Variants in NFIB observed in about 807,000 individuals in gnomAD.
NFIB encodes the protein nuclear factor I B.
In NFIB, 11 loss-of-function variants were observed where a neutral mutation model predicts 61.5. The observed-to-expected ratio is 0.18, with a 90% CI of 0.11 to 0.30. The LOEUF is 0.30. Ranked by LOEUF, NFIB falls within the 10% of genes least tolerant of loss-of-function variation. The pLI is 1.00. For missense variants in NFIB, 471 were observed against 608.9 expected (o/e 0.77, Z 2.38); for synonymous variants, 260 against 216.5 (o/e 1.20, Z -1.76).
the NFIB span, among the ~76,000 whole-genome samples, chr9:14,531,412 T>C: frequency 6.6e-6 from 1 of 152,118 alleles, no homozygotes; most frequent in Non-Finnish European, 1.5e-5. Context: ...CAGTGGTTGC[T>C]CCAGTTACAG....
At chr9:14,093,179 A>G (rs577742303) in intron 10 of NFIB, among the ~76,000 whole-genome samples, 1 of 152,048 alleles carries the variant, frequency 6.6e-6, no homozygotes. Flanking sequence ...TGATGAAACA[A>G]TAAGAGCTAT....
chr9:14,103,283 G>C lies in NFIB; in HGVS notation c.1467+9716C>G, dbSNP rs114456497. ...TAACAGCTGCCCTACAGTGCTAGCAGATTTATTGAAAAGATATATTGCTTA... is the reference window on the plus strand; with the variant it reads ...TAACAGCTGCCCTACAGTGCTAGCACATTTATTGAAAAGATATATTGCTTA... On this transcript the variant is annotated intron_variant, in intron 10 of 10. Coordinates refer to ENST00000380953, the MANE Select transcript of NFIB (RefSeq NM_001190737.2). 9.9e-3 allele frequency among the ~76,000 whole-genome samples: 1,474 copies of C among 149,202 alleles called. 25 individuals are homozygous for C. The highest frequency in any genetic ancestry group is 0.035 in the African/African-American group (1,414 of 40,648).
intron 1 of NFIB, among the ~76,000 whole-genome samples, chr9:14,369,902 G>C (rs1033237083): frequency 2.2e-4 from 33 of 152,108 alleles, no homozygotes; most frequent in Admixed American, 1.1e-3. Context: ...ACCTAGAGCA[G>C]ATCAGACATT....
chr9:14,101,788 G>C (rs986591293), intron 10 of NFIB, among the ~76,000 whole-genome samples: 2 of 152,160 alleles, frequency 1.3e-5, no homozygotes, highest in Non-Finnish European at 2.9e-5. Flanking sequence ...TTTTAGAATA[G>C]TTTTCTCAGC....
the NFIB span, among the ~76,000 whole-genome samples, chr9:14,455,079 C>T: frequency 1.3e-5 from 2 of 152,162 alleles, no homozygotes; most frequent in Admixed American, 6.5e-5. Context: ...TTGACTGATA[C>T]AAATACCTGA....
chr9:14,220,920 C>A (rs142410539), intron 2 of NFIB, among the ~76,000 whole-genome samples: 519 of 151,342 alleles, frequency 3.4e-3, no homozygotes, highest in Non-Finnish European at 5.5e-3. Context: ...CTCTCACCCC[C>A]TCCCAAGGAG....
chr9:14,298,673 G>T (rs2382462), intron 2 of NFIB, among the ~76,000 whole-genome samples: 130,291 of 151,664 alleles, frequency 0.86, 57,607 homozygotes, highest in Non-Finnish European at 0.98. Context: ...GTGTGTAAAG[G>T]GCGGGCTTGG....
At chr9:14,167,205 C>T (rs932885463) in intron 3 of NFIB, among the ~76,000 whole-genome samples, 3 of 151,726 alleles carry the variant, frequency 2.0e-5, no homozygotes, top group African/African-American at 7.3e-5. Flanking sequence ...TTAGAGGAAA[C>T]GTCATCATCC....
chr9:14,135,751 T>C (rs1936685333), intron 6 of NFIB, among the ~76,000 whole-genome samples: 1 of 152,126 alleles, frequency 6.6e-6, no homozygotes, highest in African/African-American at 2.4e-5. Flanking sequence ...GGAGATAAGA[T>C]GTCATCTTCA....
At position 14,088,118 on chromosome 9, in the gene NFIB, T is replaced by G; in HGVS notation, c.*191A>C. On this transcript the variant is annotated 3_prime_UTR_variant, in exon 11 of 11. Transcript: ENST00000380953. ...TTCTTTCCTTTCTGCCTTTGTGTTG[T>G]TTTGTCCAGTCTTCCTCTTTTCCTT... is the stretch of plus-strand genomic sequence containing the variant. The G allele has an allele frequency of 7.8e-7, 1 of 1,275,882 alleles. No individual in the cohort carries two copies. The allele number at this position is 1,275,882 out of a possible 1,614,324, so 79.0% of individuals were successfully genotyped here. A position where few individuals can be genotyped will look rare whatever the true frequency, so the allele number is the denominator to read the frequency against.
chr9:14,357,160 G>T (rs2061185779), intron 1 of NFIB: 1 of 152,166 alleles, frequency 6.6e-6, no homozygotes, highest in Non-Finnish European at 1.5e-5. Context: ...AGGTCTGCAG[G>T]ACACACCAAA....
intron 2 of NFIB, among the ~76,000 whole-genome samples, chr9:14,190,204 AT>A (rs2047795081): frequency 6.6e-6 from 1 of 152,200 alleles, no homozygotes; most frequent in Non-Finnish European, 1.5e-5. Context: ...CATGTGATTA[AT>A]AACCAGTCCT....
chr9:14,314,070 A>C lies in NFIB; in HGVS notation c.-559T>G. ...CCCAAGCACTGCGGCAGGATCCCGGAGTGGTGATCGCAGGCGAAACTTTGC... is the reference window on the plus strand; with the variant it reads ...CCCAAGCACTGCGGCAGGATCCCGGCGTGGTGATCGCAGGCGAAACTTTGC... On this transcript the variant is annotated 5_prime_UTR_variant, in exon 1 of 11. Coordinates refer to ENST00000380953, the MANE Select transcript of NFIB (RefSeq NM_001190737.2). The C allele has an allele frequency of 9.5e-7, 1 of 1,053,010 alleles. No homozygotes were observed. The highest frequency in any genetic ancestry group is 4.3e-4 in the Middle Eastern group (1 of 2,344). 65.2% of individuals were successfully genotyped at this position (1,053,010 alleles called of 1,614,324 possible).
intron 2 of NFIB, among the ~76,000 whole-genome samples, chr9:14,286,791 G>C (rs553750316): frequency 6.6e-6 from 1 of 151,022 alleles, no homozygotes; most frequent in Non-Finnish European, 1.5e-5. Context: ...TGAATAAGCC[G>C]CTTCACTGCA....
the NFIB span, among the ~76,000 whole-genome samples, chr9:14,445,890 T>C: frequency 6.6e-6 from 1 of 152,212 alleles, no homozygotes; most frequent in African/African-American, 2.4e-5. Flanking sequence ...GAACATTTTC[T>C]TGATGCCTAA....
At chr9:14,489,066 T>C in the NFIB span, among the ~76,000 whole-genome samples, 11 of 102,492 alleles carry the variant, frequency 1.1e-4, no homozygotes, top group East Asian at 3.5e-3. Flanking sequence ...ATTCCAAAAA[T>C]GTTCCATAAA....
At chr9:14,292,714 A>G (rs79802915) in intron 2 of NFIB, among the ~76,000 whole-genome samples, 5,236 of 152,284 alleles carry the variant, frequency 0.034, 278 homozygotes, top group African/African-American at 0.12. Context: ...TTCAATCACT[A>G]TATGGCGTAG....
At chr9:14,433,902 G>A in the NFIB span, among the ~76,000 whole-genome samples, 1 of 152,294 alleles carries the variant, frequency 6.6e-6, no homozygotes, top group East Asian at 1.9e-4. Flanking sequence ...TACAGCTTGG[G>A]ATCAGCCTCG....
chr9:14,152,156 A>G (rs2042937164), intron 4 of NFIB, among the ~76,000 whole-genome samples: 1 of 152,146 alleles, frequency 6.6e-6, no homozygotes, highest in Non-Finnish European at 1.5e-5. Flanking sequence ...ACATCAGTAT[A>G]TACATGACTA....
Sources: allele counts gnomAD v4.1 joint callset (sites outside exome capture counted in the v4.1 genomes callset), GRCh38; gene constraint gnomAD v4.1.1; transcripts MANE v1.5; gene names NCBI Gene and HGNC (gene_info 2026-07-23, HGNC 2026-07-21).